Variants in PCDH17 observed in about 807,000 individuals in gnomAD.
PCDH17 encodes the protein protocadherin-17.
Under a neutral mutation model 67.7 loss-of-function variants are expected in PCDH17, and 21 were observed. The observed-to-expected ratio is 0.31, with a 90% CI of 0.22 to 0.45. The LOEUF is 0.45. PCDH17 is among the 20% of genes least tolerant of loss of function. PCDH17 has a pLI of 1.00. For missense variants in PCDH17, 1,471 were observed against 1,564.8 expected, an observed-to-expected ratio of 0.94 and a Z score of 1.01; for synonymous variants, 701 against 656.7, an observed-to-expected ratio of 1.07 and a Z score of -1.03.
chr13:57,702,976 G>A (rs1379797519), intron 3 of PCDH17, among the ~76,000 whole-genome samples: 1 of 152,098 alleles, frequency 6.6e-6, no homozygotes, highest in Admixed American at 6.6e-5. Context: ...TTGTGTGTGT[G>A]GCGTTTGCAT....
intron 3 of PCDH17, among the ~76,000 whole-genome samples, chr13:57,706,130 G>A (rs1263518578): frequency 1.3e-5 from 2 of 151,410 alleles, no homozygotes; most frequent in Non-Finnish European, 2.9e-5. Context: ...TGAAAAAAAA[G>A]CAAAAATAGT....
rs140989085 is a variant in PCDH17, at chr13:57,633,223, C to A, written c.677C>A (p.Thr226Asn). Reference sequence around the variant, plus strand: ...GGTGGCGAGCCTCCACGTTCCGCCACCGTACAGATCAACGTGAAGGTGATT... The same window carrying A: ...GGTGGCGAGCCTCCACGTTCCGCCAACGTACAGATCAACGTGAAGGTGATT... ...LDGGEPPRSA[T>N]VQINVKVIDS... The change falls in exon 1 of 4, where the codon ACC becomes AAC. Residue 226 changes from threonine to asparagine, a missense_variant. This residue lies in a region of PCDH17 where 1,163 missense variants were observed against 1,230.0 expected (regional missense o/e 0.95). Transcript: ENST00000377918. The surrounding 1 kb of genome is among the most constrained non-coding windows in gnomAD (Gnocchi z 6.2). 1 of 1,613,338 alleles carries A rather than the reference C, an allele frequency of 6.2e-7. No homozygotes were observed. Among genetic ancestry groups the A allele is most frequent in the Non-Finnish European group, 8.5e-7 (1 of 1,180,016 alleles).
chr13:57,634,065 G>GT lies in PCDH17; in HGVS notation c.1520dup (p.Ser508IlefsTer34). On this transcript the variant is annotated frameshift_variant, in exon 1 of 4. Transcript: ENST00000377918. LOFTEE classifies it high-confidence loss of function. This position sits in a 1 kb window ranked among gnomAD's most constrained non-coding sequence, Gnocchi z 7.8. The stretch of plus-strand genomic sequence containing the variant: ...TCCCGACCTGGGCCAGAACGGCACC[G>GT]TATCCTACTCTATCCTGCCCTCGCA... 1 of 1,613,346 alleles carries GT rather than the reference G, an allele frequency of 6.2e-7. No homozygotes were observed. The highest frequency in any genetic ancestry group is 8.5e-7 in the Non-Finnish European group (1 of 1,179,998).
At chr13:57,708,366 A>G (rs1955740440) in intron 3 of PCDH17, among the ~76,000 whole-genome samples, 2 of 152,034 alleles carry the variant, frequency 1.3e-5, no homozygotes, top group South Asian at 4.1e-4. Context: ...TTTAATATAT[A>G]TTTGGCAAGA....
upstream of PCDH17, among the ~76,000 whole-genome samples, chr13:57,630,559 G>C (rs773575717): frequency 1.3e-5 from 2 of 151,918 alleles, no homozygotes; most frequent in Non-Finnish European, 2.9e-5. Flanking sequence ...AAGAGGAAAG[G>C]TTTAAAAAAA....
chr13:57,657,855 A>G (rs1445025471), intron 1 of PCDH17, among the ~76,000 whole-genome samples: 1 of 152,236 alleles, frequency 6.6e-6, no homozygotes, highest in East Asian at 1.9e-4. Context: ...CACCATATCT[A>G]GAATCATTTA....
At chr13:57,697,985 G>A (rs1363640251) in intron 3 of PCDH17, among the ~76,000 whole-genome samples, 1 of 151,454 alleles carries the variant, frequency 6.6e-6, no homozygotes, top group Non-Finnish European at 1.5e-5. Context: ...TTCTTCAGTT[G>A]TTTCCACAGA....
chr13:57,633,080 C>G lies in PCDH17; in HGVS notation c.534C>G (p.Leu178=), dbSNP rs150797067. ...TGCTCACGCGCGACGATCACGGCCTCTTTGGACTGGACGTTAAGTCCCGCG... is the reference window on the plus strand; with the variant it reads ...TGCTCACGCGCGACGATCACGGCCTGTTTGGACTGGACGTTAAGTCCCGCG... The part of the protein sequence containing the change: ...TYLLTRDDHG[L]FGLDVKSRGD... The change falls in exon 1 of 4, where the codon CTC becomes CTG. Residue 178 remains leucine, a synonymous_variant. Transcript: ENST00000377918. This position sits in a 1 kb window ranked among gnomAD's most constrained non-coding sequence, Gnocchi z 6.2. The G allele has an allele frequency of 6.2e-6, 10 of 1,613,386 alleles. No homozygotes were observed. The African/African-American group carries it at 1.2e-4, about 19-fold the overall frequency.
At chr13:57,693,279 T>A (rs117855107) in intron 3 of PCDH17, among the ~76,000 whole-genome samples, 7,207 of 142,644 alleles carry the variant, frequency 0.051, 256 homozygotes, top group Middle Eastern at 0.1. Flanking sequence ...GTAAAAAAAA[T>A]TTTTAAGAAA....
At chr13:57,707,302 C>T (rs561636329) in intron 3 of PCDH17, among the ~76,000 whole-genome samples, 2 of 150,682 alleles carry the variant, frequency 1.3e-5, no homozygotes, top group Admixed American at 6.7e-5. Context: ...CATAAAAAAA[C>T]TTTCTCTGTA....
intron 3 of PCDH17, among the ~76,000 whole-genome samples, chr13:57,690,685 A>C (rs886585051): frequency 2.6e-5 from 4 of 151,750 alleles, no homozygotes; most frequent in African/African-American, 9.6e-5. Context: ...GAAAGAATAC[A>C]ACTTCTCAAT....
At chr13:57,684,827 G>T (rs756521401) in intron 3 of PCDH17, among the ~76,000 whole-genome samples, 1 of 151,802 alleles carries the variant, frequency 6.6e-6, no homozygotes, top group African/African-American at 2.4e-5. Flanking sequence ...TATTACTTAC[G>T]TATCACCAGT....
In PCDH17 at chr13:57,632,840, C is replaced by T. The variant is rs749780633; in HGVS notation, c.294C>T (p.His98=). Reference sequence around the variant, plus strand: ...TCGACCGCGAGTCCCTGTGCCGCCACAATGCCAAGTGCCAGCTGTCCCTCG... The same window carrying T: ...TCGACCGCGAGTCCCTGTGCCGCCATAATGCCAAGTGCCAGCTGTCCCTCG... The part of the protein sequence containing the change: ...QRIDRESLCR[H]NAKCQLSLEV... Residue 98 remains histidine (H), a synonymous_variant, in exon 1 of 4, where the codon CAC becomes CAT. Transcript: ENST00000377918. 9.3e-6 allele frequency: 15 copies of T among 1,613,982 alleles called. No homozygotes were observed. Among genetic ancestry groups the T allele is most frequent in the Non-Finnish European group, 9.3e-6 (11 of 1,180,032 alleles).
At chr13:57,655,628 C>T (rs1955093007) in intron 1 of PCDH17, among the ~76,000 whole-genome samples, 1 of 151,854 alleles carries the variant, frequency 6.6e-6, no homozygotes, top group African/African-American at 2.4e-5. Context: ...ATGATTAAAC[C>T]TCCTGCATGC....
At chr13:57,700,959 T>C (rs1042766997) in intron 3 of PCDH17, among the ~76,000 whole-genome samples, 4 of 152,050 alleles carry the variant, frequency 2.6e-5, no homozygotes, top group African/African-American at 4.8e-5. Context: ...GCCCAGGAAT[T>C]CGAGACCAGC....
intron 3 of PCDH17, among the ~76,000 whole-genome samples, chr13:57,676,230 CA>C (rs1476321616): frequency 6.6e-6 from 1 of 151,310 alleles, no homozygotes; most frequent in African/African-American, 2.4e-5. Context: ...AGGAAAAAAA[CA>C]AAAAAACAAC....
intron 3 of PCDH17, among the ~76,000 whole-genome samples, chr13:57,711,812 A>T (rs1050534986): frequency 6.6e-6 from 1 of 151,450 alleles, no homozygotes; most frequent in African/African-American, 2.4e-5. Context: ...ATTATCTCCC[A>T]AATAGTTCAT....
At chr13:57,662,334 C>T (rs1047556144) in intron 1 of PCDH17, among the ~76,000 whole-genome samples, 5 of 152,150 alleles carry the variant, frequency 3.3e-5, no homozygotes, top group African/African-American at 1.2e-4. Flanking sequence ...AATTATGTTA[C>T]ATGCATACAT....
At chr13:57,649,847 C>T (rs1021201362) in intron 1 of PCDH17, among the ~76,000 whole-genome samples, 8 of 152,038 alleles carry the variant, frequency 5.3e-5, no homozygotes, top group African/African-American at 1.2e-4. Context: ...TTTCATACTT[C>T]GTCTTTTTTA....
Sources: allele counts gnomAD v4.1 joint callset (sites outside exome capture counted in the v4.1 genomes callset), GRCh38; gene constraint gnomAD v4.1.1; regional missense constraint gnomAD v4.1.1; non-coding constraint Gnocchi (gnomAD v3.1); transcripts MANE v1.5; gene names NCBI Gene and HGNC (gene_info 2026-07-23, HGNC 2026-07-21).